Variants in LHX8 observed in about 807,000 individuals in gnomAD.
LHX8 encodes the protein LIM/homeobox protein Lhx8.
Under a neutral mutation model 40.3 loss-of-function variants are expected in LHX8, and 12 were observed. That is an observed-to-expected ratio of 0.30 (90% CI 0.19 to 0.48). The LOEUF (loss-of-function observed/expected upper bound fraction) is 0.48, where lower values mean the gene tolerates loss of function less well. LHX8 is among the 20% of genes least tolerant of loss of function. LHX8 has a pLI of 0.99. For synonymous variants in LHX8, 179 were observed against 162.0 expected (o/e 1.10, Z -0.80); for missense variants, 344 against 433.7 (o/e 0.79, Z 1.84).
At chr1:75,139,627 T>C (rs964135768) in intron 3 of LHX8, among the ~76,000 whole-genome samples, 2 of 152,208 alleles carry the variant, frequency 1.3e-5, no homozygotes, top group African/African-American at 2.4e-5. Context: ...ATATTATTTA[T>C]TCAGATTTCC....
the LHX8 span, among the ~76,000 whole-genome samples, chr1:75,178,413 G>A: frequency 1.3e-5 from 2 of 152,084 alleles, no homozygotes; most frequent in Non-Finnish European, 2.9e-5. Flanking sequence ...GGGTGTATGT[G>A]TCCAGGAATT....
chr1:75,174,430 A>G, the LHX8 span, among the ~76,000 whole-genome samples: 23 of 152,152 alleles, frequency 1.5e-4, 1 homozygote, highest in Admixed American at 1.3e-3. Context: ...CTACACCTGT[A>G]ATTCCAGCTC....
At chr1:75,153,148 C>T (rs1320543311) in intron 7 of LHX8, among the ~76,000 whole-genome samples, 5 of 152,024 alleles carry the variant, frequency 3.3e-5, no homozygotes, top group African/African-American at 1.2e-4. Context: ...CTCTGTCACC[C>T]AGGCTGGAGT....
chr1:75,146,257 G>A (rs995189618), intron 6 of LHX8, among the ~76,000 whole-genome samples: 7 of 152,054 alleles, frequency 4.6e-5, no homozygotes, highest in Admixed American at 1.3e-4. Context: ...ACCTGCTTTG[G>A]ACAGAGGAGA....
downstream of LHX8, among the ~76,000 whole-genome samples, chr1:75,162,419 T>G (rs1049982991): frequency 1.3e-5 from 2 of 152,164 alleles, no homozygotes; most frequent in African/African-American, 2.4e-5. Flanking sequence ...GGAAAGCTTT[T>G]GTAGTATAGC....
At chr1:75,183,492 AT>A in the LHX8 span, among the ~76,000 whole-genome samples, 5 of 151,536 alleles carry the variant, frequency 3.3e-5, no homozygotes, top group Admixed American at 6.6e-5. Context: ...AAAAAAAAAA[AT>A]CTTCAACCAA....
chr1:75,193,094 C>T, the LHX8 span, among the ~76,000 whole-genome samples: 1 of 152,168 alleles, frequency 6.6e-6, no homozygotes, highest in Non-Finnish European at 1.5e-5. Flanking sequence ...GCCTTTTGGA[C>T]ATCTATATCT....
chr1:75,129,244 C>T (rs949482052), intron 1 of LHX8, among the ~76,000 whole-genome samples: 2 of 152,014 alleles, frequency 1.3e-5, no homozygotes, highest in Non-Finnish European at 2.9e-5. Context: ...TATAATAACA[C>T]GTTGCCTACC....
At chr1:75,149,121 G>T (rs894982541) in intron 7 of LHX8, among the ~76,000 whole-genome samples, 2 of 152,172 alleles carry the variant, frequency 1.3e-5, no homozygotes, top group African/African-American at 2.4e-5. Flanking sequence ...GATAAATCTT[G>T]CTCTAAGGTC....
chr1:75,169,023 T>C, the LHX8 span, among the ~76,000 whole-genome samples: 1 of 152,216 alleles, frequency 6.6e-6, no homozygotes, highest in Non-Finnish European at 1.5e-5. Context: ...AGAACTTTTC[T>C]GTTGAAACCC....
the LHX8 span, among the ~76,000 whole-genome samples, chr1:75,177,550 CTTATCAGCTTAAGGAGATTTTGGG>C: frequency 6.6e-6 from 1 of 152,162 alleles, no homozygotes; most frequent in African/African-American, 2.4e-5. Flanking sequence ...GCTGAAGTTG[CTTATCAGCTTAAGGAGATTTTGGG>C]CTGAGACGAT....
the LHX8 span, among the ~76,000 whole-genome samples, chr1:75,181,359 G>T: frequency 3.9e-5 from 6 of 152,276 alleles, no homozygotes; most frequent in South Asian, 1.2e-3. Flanking sequence ...AGCTGCAGTG[G>T]GCTCCACCCA....
the LHX8 span, among the ~76,000 whole-genome samples, chr1:75,190,890 A>C: frequency 3.9e-5 from 6 of 152,310 alleles, no homozygotes; most frequent in South Asian, 2.1e-4. Context: ...TATTTACTTA[A>C]TATTTTGTTC....
At chr1:75,193,852 C>G in the LHX8 span, among the ~76,000 whole-genome samples, 1 of 152,202 alleles carries the variant, frequency 6.6e-6, no homozygotes, top group Admixed American at 6.5e-5. Context: ...AGACCTGACA[C>G]AAATACCACT....
upstream of LHX8, chr1:75,130,693 G>C (rs766219093): frequency 3.1e-6 from 5 of 1,613,256 alleles, no homozygotes; most frequent in Non-Finnish European, 4.2e-6. Flanking sequence ...CCCGTATACA[G>C]CTCTGCCATC....
intron 4 of LHX8, among the ~76,000 whole-genome samples, chr1:75,142,061 A>T (rs1202651507): frequency 2.6e-5 from 4 of 152,158 alleles, no homozygotes; most frequent in Admixed American, 6.5e-5. Context: ...ACTTTTCATT[A>T]CTTCAATATT....
At chr1:75,177,633 T>G in the LHX8 span, among the ~76,000 whole-genome samples, 12 of 152,226 alleles carry the variant, frequency 7.9e-5, no homozygotes, top group Non-Finnish European at 1.3e-4. Context: ...GGAACAATTT[T>G]ACTTCCTCTT....
chr1:75,169,140 TCTGC>T, the LHX8 span, among the ~76,000 whole-genome samples: 1 of 152,288 alleles, frequency 6.6e-6, no homozygotes, highest in South Asian at 2.1e-4. Context: ...CCCATTACTT[TCTGC>T]CTTCATCTCC....
chr1:75,148,547 T>G (rs771340277), intron 6 of LHX8, 40 bp from the exon 7 acceptor site: 104 of 1,378,188 alleles, frequency 7.5e-5, no homozygotes, highest in Middle Eastern at 1.8e-4. Flanking sequence ...CTGAGCTGCT[T>G]GTTTTTAGCT....
Sources: allele counts gnomAD v4.1 joint callset (sites outside exome capture counted in the v4.1 genomes callset), GRCh38; gene constraint gnomAD v4.1.1; transcripts MANE v1.5; gene names NCBI Gene and HGNC (gene_info 2026-07-23, HGNC 2026-07-21).